The following ERC2 variants were observed in gnomAD, a reference collection of about 807,000 sequenced individuals.
ERC2 encodes ELKS/RAB6-interacting/CAST family member 2, also known as ERC protein 2.
ERC2 carries 42 observed loss-of-function variants against 114.8 expected under a neutral mutation model. The observed-to-expected ratio is 0.37, with a 90% CI of 0.29 to 0.47. The LOEUF (loss-of-function observed/expected upper bound fraction) is 0.47. Among genes scored for constraint, ERC2 ranks in the 20% least tolerant of loss-of-function variants. The pLI, the probability that ERC2 is intolerant of heterozygous loss-of-function variation, is 0.99. For synonymous variants in ERC2, 454 were observed against 425.5 expected, an observed-to-expected ratio of 1.07 and a Z score of -0.82; for missense variants, 939 against 1,150.7, an observed-to-expected ratio of 0.82 and a Z score of 2.66.
rs1227704041 is a variant in ERC2 at position 55,720,128 on chromosome 3, T to C, written c.2712+14643A>G. Among the ~76,000 whole-genome samples the C allele has an allele frequency of 1.1e-3, 13 of 11,440 alleles. 3 individuals carry two copies. The highest frequency in any genetic ancestry group is 3.2e-3 in the African/African-American group (6 of 1,864). 7.5% of individuals were successfully genotyped at this position (11,440 alleles called of 152,430 possible). ...CCCCTCCTCCTCCTCCTCCTTCTTCTTCCTCTTCTTCTTCCTCTTCTTCTT... is the reference window on the plus strand; with the variant it reads ...CCCCTCCTCCTCCTCCTCCTTCTTCCTCCTCTTCTTCTTCCTCTTCTTCTT... On this transcript the variant is annotated intron_variant, in intron 15 of 17. Transcript: ENST00000288221.
chr3:55,855,458 A>AC (rs2061748404), intron 14 of ERC2, among the ~76,000 whole-genome samples: 1 of 152,210 alleles, frequency 6.6e-6, no homozygotes, highest in Non-Finnish European at 1.5e-5. Flanking sequence ...TTAAAATTAG[A>AC]CCCCAAATCC....
chr3:56,322,295 T>C (rs1176769828), intron 2 of ERC2, among the ~76,000 whole-genome samples: 1 of 152,194 alleles, frequency 6.6e-6, no homozygotes, highest in African/African-American at 2.4e-5. Context: ...AGAAGAGTGT[T>C]TGCAAAGAAG....
chr3:55,737,812 G>T (rs1044527865), intron 14 of ERC2, among the ~76,000 whole-genome samples: 1 of 152,114 alleles, frequency 6.6e-6, no homozygotes, highest in Non-Finnish European at 1.5e-5. Context: ...TTTCAAGGCC[G>T]TTTGTATAGT....
At chr3:56,057,537 G>A (rs1429596367) in intron 7 of ERC2, among the ~76,000 whole-genome samples, 5 of 152,098 alleles carry the variant, frequency 3.3e-5, no homozygotes, top group African/African-American at 7.2e-5. Context: ...TGGTTCTTTC[G>A]CCTAAGATGT....
At position 55,568,819 on chromosome 3, in the gene ERC2, T is replaced by C. The variant is rs532015074; in HGVS notation, c.*40-57543A>G. Among the ~76,000 whole-genome samples, 8 of 152,278 alleles carry C rather than the reference T, an allele frequency of 5.3e-5. No homozygotes were observed. The South Asian group carries it at 1.7e-3, about 32-fold the overall frequency. On this transcript the variant is annotated intron_variant, in intron 17 of 17. Transcript: ENST00000288221. ...TCACAGTGAAAGCAAAAGCCTTCAC[T>C]GTGACCCATGAGACCCTACACAGTC...
chr3:56,310,841 A>AT (rs1237048125), intron 2 of ERC2, among the ~76,000 whole-genome samples: 2 of 152,136 alleles, frequency 1.3e-5, no homozygotes, highest in African/African-American at 4.8e-5. Context: ...CCCACAGGTA[A>AT]TCTGTAGTCA....
At chr3:55,881,287 T>G (rs1421553442) in intron 14 of ERC2, among the ~76,000 whole-genome samples, 1 of 152,148 alleles carries the variant, frequency 6.6e-6, no homozygotes, top group African/African-American at 2.4e-5. Context: ...TCACTGTAAA[T>G]GTCCTAAAAT....
intron 7 of ERC2, among the ~76,000 whole-genome samples, chr3:56,066,668 A>C (rs1044491580): frequency 2.0e-5 from 3 of 152,090 alleles, no homozygotes; most frequent in Non-Finnish European, 4.4e-5. Flanking sequence ...ATTTTCTTCT[A>C]GGGTTTTTAT....
At chr3:56,163,082 T>C (rs2316475) in intron 4 of ERC2, among the ~76,000 whole-genome samples, 70,633 of 151,866 alleles carry the variant, frequency 0.47, 16,744 homozygotes, top group East Asian at 0.68. Flanking sequence ...TTTCATGTAG[T>C]TCAAATAATT....
At chr3:56,063,909 T>A (rs1005338194) in intron 7 of ERC2, among the ~76,000 whole-genome samples, 14 of 152,216 alleles carry the variant, frequency 9.2e-5, no homozygotes, top group Non-Finnish European at 1.6e-4. Flanking sequence ...TATCATTAAA[T>A]ATACTCATAA....
At chr3:55,555,983 C>T (rs1230899264) in intron 17 of ERC2, among the ~76,000 whole-genome samples, 2 of 152,176 alleles carry the variant, frequency 1.3e-5, no homozygotes, top group African/African-American at 4.8e-5. Context: ...CACGACTGAG[C>T]TCACAGCACC....
chr3:56,185,746 G>T (rs150930193), intron 3 of ERC2, among the ~76,000 whole-genome samples: 2 of 152,256 alleles, frequency 1.3e-5, no homozygotes, highest in Admixed American at 1.3e-4. Flanking sequence ...GGCAAAAGAG[G>T]CTTTGTATTT....
At chr3:55,751,335 G>A (rs1418521824) in intron 14 of ERC2, among the ~76,000 whole-genome samples, 2 of 152,088 alleles carry the variant, frequency 1.3e-5, no homozygotes, top group South Asian at 2.1e-4. Flanking sequence ...ACAAGAGCTC[G>A]AGCTCCAGGT....
intron 14 of ERC2, among the ~76,000 whole-genome samples, chr3:55,815,137 C>T (rs924859432): frequency 2.6e-5 from 4 of 152,152 alleles, no homozygotes; most frequent in Non-Finnish European, 5.9e-5. Flanking sequence ...ACCAGTAATG[C>T]TTATTGAACA....
chr3:56,457,777 A>C (rs930105035), intron 1 of ERC2, among the ~76,000 whole-genome samples: 2 of 152,012 alleles, frequency 1.3e-5, no homozygotes, highest in Non-Finnish European at 2.9e-5. Flanking sequence ...AGTGCATGCT[A>C]TTCCCCCTGT....
At chr3:55,703,351 G>A (rs534677020) in intron 15 of ERC2, among the ~76,000 whole-genome samples, 1 of 152,106 alleles carries the variant, frequency 6.6e-6, no homozygotes, top group African/African-American at 2.4e-5. Flanking sequence ...TCTCTCTCTC[G>A]GTCCTGCTCT....
At chr3:56,086,425 G>C (rs755295789) in intron 6 of ERC2, among the ~76,000 whole-genome samples, 1 of 151,904 alleles carries the variant, frequency 6.6e-6, no homozygotes, top group African/African-American at 2.4e-5. Context: ...AGGAATTTGG[G>C]TCGTGCCTTT....
Position 55,699,511 on chromosome 3 carries a change from G to T in ERC2, c.2714C>A (p.Thr905Asn). Residue 905 changes from threonine (T) to asparagine (N), a missense_variant and splice_region_variant, in exon 16 of 18, where the codon ACC becomes AAC. Physicochemically the swap from Thr to Asn is moderately conservative, Grantham distance 65 (BLOSUM62 0). Around this residue, in one of 5 missense-constraint regions of ERC2, gnomAD observed 328 missense variants for 353.9 expected, o/e 0.93. Transcript: ENST00000288221. ...TGCCATCAACTTCATTCTGTTCTGG[G>T]TCTGTGCAGAACAAAAACCAAGGAA... The part of the protein sequence containing the change: ...DRLVHQLKQQ[T>N]QNRMKLMADN... 6.2e-7 allele frequency: 1 copy of T among 1,609,192 alleles called. No homozygotes were observed. The highest frequency in any genetic ancestry group is 1.3e-5 in the African/African-American group (1 of 74,872).
intron 17 of ERC2, among the ~76,000 whole-genome samples, chr3:55,554,556 C>T (rs901535077): frequency 1.3e-5 from 2 of 152,248 alleles, no homozygotes; most frequent in African/African-American, 4.8e-5. Context: ...ATGATACCCT[C>T]TCCTGGGGTG....
Sources: allele counts gnomAD v4.1 joint callset (sites outside exome capture counted in the v4.1 genomes callset), GRCh38; gene constraint gnomAD v4.1.1; regional missense constraint gnomAD v4.1.1; transcripts MANE v1.5; gene names NCBI Gene and HGNC (gene_info 2026-07-23, HGNC 2026-07-21).